Variants in PCDH11X observed in about 807,000 individuals in gnomAD.
The protein encoded by PCDH11X is protocadherin 11 X-linked.
Under a neutral mutation model 53.3 loss-of-function variants are expected in PCDH11X, and 18 were observed. The observed-to-expected ratio is 0.34, with a 90% CI of 0.23 to 0.50. The LOEUF (loss-of-function observed/expected upper bound fraction) is 0.50. Ranked by LOEUF, PCDH11X falls within the 20% of genes least tolerant of loss-of-function variation. The pLI, the probability that PCDH11X is intolerant of heterozygous loss-of-function variation, is 0.98. For synonymous variants in PCDH11X, 279 were observed against 393.3 expected (o/e 0.71, Z 3.44); for missense variants, 570 against 1,032.4 (o/e 0.55, Z 6.14).
intron 9 of PCDH11X, among the ~76,000 whole-genome samples, chrX:92,447,010 A>G (rs1399327527): frequency 9.0e-6 from 1 of 111,410 alleles, no homozygotes; most frequent in Admixed American, 9.6e-5. Context: ...TTCTCTAAAG[A>G]TTTGTGGAAT....
chrX:92,544,743 T>C (rs1435705988), intron 10 of PCDH11X, among the ~76,000 whole-genome samples: 1 of 108,861 alleles, frequency 9.2e-6, no homozygotes, highest in Non-Finnish European at 1.9e-5. Flanking sequence ...TAATTAAAGG[T>C]CCTAATCTAA....
At chrX:91,899,127 C>A (rs932817959) in intron 6 of PCDH11X, among the ~76,000 whole-genome samples, 2 of 111,176 alleles carry the variant, frequency 1.8e-5, no homozygotes, top group African/African-American at 6.5e-5. Context: ...TGAAGTCCCA[C>A]AATAGGCTGA....
At chrX:92,296,640 G>A (rs1350816407) in intron 8 of PCDH11X, among the ~76,000 whole-genome samples, 1 of 109,065 alleles carries the variant, frequency 9.2e-6, no homozygotes, top group African/African-American at 3.4e-5. Context: ...TTTTAATCCA[G>A]TATACTATTG....
At chrX:91,899,825 G>A (rs1463379342) in intron 6 of PCDH11X, among the ~76,000 whole-genome samples, 3 of 110,896 alleles carry the variant, frequency 2.7e-5, no homozygotes, top group Admixed American at 1.9e-4. Context: ...AACAAAATAA[G>A]GAAGAAACAC....
At chrX:91,900,040 T>A (rs1940895901) in intron 6 of PCDH11X, among the ~76,000 whole-genome samples, 1 of 110,923 alleles carries the variant, frequency 9.0e-6, no homozygotes, top group Non-Finnish European at 1.9e-5. Context: ...ATTGGGCTGT[T>A]GTAGTTTCCA....
At chrX:92,410,338 C>T (rs771155231) in intron 9 of PCDH11X, among the ~76,000 whole-genome samples, 11 of 102,604 alleles carry the variant, frequency 1.1e-4, no homozygotes, top group South Asian at 4.8e-4. Flanking sequence ...TTTCTTAGTG[C>T]GTACAGGAAG....
At chrX:92,256,545 C>CT (rs1202120916) in intron 7 of PCDH11X, among the ~76,000 whole-genome samples, 1 of 111,519 alleles carries the variant, frequency 9.0e-6, no homozygotes, top group East Asian at 2.8e-4. Context: ...TCTTTCTTTC[C>CT]TTTTTTTCCC....
intron 8 of PCDH11X, among the ~76,000 whole-genome samples, chrX:92,340,897 AC>A (rs2077223147): frequency 8.9e-6 from 1 of 111,801 alleles, no homozygotes; most frequent in Non-Finnish European, 1.9e-5. Flanking sequence ...CTTTTCTGAC[AC>A]TTGGCTAATT....
At chrX:92,218,833 A>T (rs200181424) in intron 7 of PCDH11X, among the ~76,000 whole-genome samples, 5 of 110,873 alleles carry the variant, frequency 4.5e-5, no homozygotes, top group South Asian at 7.5e-4. Flanking sequence ...CAGCACATCA[A>T]AAAGCTTATC....
chrX:92,498,489 G>A (rs2073899600), intron 10 of PCDH11X, among the ~76,000 whole-genome samples: 1 of 109,783 alleles, frequency 9.1e-6, no homozygotes, highest in Non-Finnish European at 1.9e-5. Context: ...TTATAGTAGG[G>A]GCTTCTTTTC....
intron 10 of PCDH11X, among the ~76,000 whole-genome samples, chrX:92,550,116 G>A (rs1381726911): frequency 9.1e-6 from 1 of 110,440 alleles, no homozygotes; most frequent in Non-Finnish European, 1.9e-5. Flanking sequence ...ACGCTTTGTA[G>A]CTTCTAGTAA....
chrX:92,179,187 T>TA (rs1569408322), intron 6 of PCDH11X, among the ~76,000 whole-genome samples: 1 of 112,336 alleles, frequency 8.9e-6, no homozygotes, highest in Non-Finnish European at 1.9e-5. Flanking sequence ...AAAAGCTGAC[T>TA]ATTTCGATCT....
intron 6 of PCDH11X, among the ~76,000 whole-genome samples, chrX:91,903,656 C>CGTGTAT (rs1556329943): frequency 1.1e-5 from 1 of 93,945 alleles, no homozygotes; most frequent in Non-Finnish European, 2.1e-5. Context: ...CCTCTATGTG[C>CGTGTAT]GTGTGTGTGT....
At chrX:92,098,818 T>A (rs1315608485) in intron 6 of PCDH11X, among the ~76,000 whole-genome samples, 1 of 109,806 alleles carries the variant, frequency 9.1e-6, no homozygotes, top group Non-Finnish European at 1.9e-5. Context: ...CAGCTAATTT[T>A]GTATTTATAG....
intron 6 of PCDH11X, among the ~76,000 whole-genome samples, chrX:92,138,415 A>G (rs2148211113): frequency 9.0e-6 from 1 of 111,248 alleles, no homozygotes; most frequent in Non-Finnish European, 1.9e-5. Context: ...TTTTCCATAA[A>G]TTATGGCAGC....
intron 10 of PCDH11X, among the ~76,000 whole-genome samples, chrX:92,545,374 G>T (rs1281412442): frequency 1.0e-5 from 1 of 98,896 alleles, no homozygotes; most frequent in Non-Finnish European, 2.0e-5. Context: ...CATTGACTTC[G>T]AAGGTTAAAT....
At chrX:92,433,976 C>G (rs774980376) in intron 9 of PCDH11X, among the ~76,000 whole-genome samples, 1 of 110,041 alleles carries the variant, frequency 9.1e-6, no homozygotes, top group African/African-American at 3.3e-5. Context: ...ACTCACTTTG[C>G]CTAGAGTAAG....
At chrX:92,404,111 C>T (rs1182465924) in intron 9 of PCDH11X, among the ~76,000 whole-genome samples, 1 of 106,294 alleles carries the variant, frequency 9.4e-6, no homozygotes, top group Non-Finnish European at 1.9e-5. Context: ...CCTAGCCCAC[C>T]CTCATCAAAG....
At chrX:92,558,190 T>A (rs1350527373) in intron 10 of PCDH11X, among the ~76,000 whole-genome samples, 1 of 109,837 alleles carries the variant, frequency 9.1e-6, no homozygotes, top group African/African-American at 3.3e-5. Context: ...CACAGGTGAC[T>A]CAGTATTTGA....
Sources: allele counts gnomAD v4.1 joint callset (sites outside exome capture counted in the v4.1 genomes callset), GRCh38; gene constraint gnomAD v4.1.1; transcripts MANE v1.5; gene names NCBI Gene and HGNC (gene_info 2026-07-23, HGNC 2026-07-21).